The following SETD9 variants were observed in gnomAD, a reference collection of about 807,000 sequenced individuals.
SETD9 encodes SET domain containing 9, also known as SET domain-containing protein 9.
A neutral mutation model predicts 36.4 loss-of-function variants in SETD9; 37 were observed. The observed-to-expected ratio is 1.02, with a 90% CI of 0.78 to 1.34. The LOEUF (loss-of-function observed/expected upper bound fraction) is 1.34, where lower values mean the gene tolerates loss of function less well. Ranked by LOEUF, SETD9 falls within the 40% of genes most tolerant of loss-of-function variation. The pLI is 0.00. For synonymous variants in SETD9, 128 were observed against 132.9 expected (o/e 0.96, Z 0.26); for missense variants, 323 against 353.2 (o/e 0.91, Z 0.69).
chr5:56,909,626 C>T lies in SETD9; in HGVS notation c.-20C>T. 1 of 1,591,710 alleles carries T rather than the reference C, an allele frequency of 6.3e-7. No homozygotes were observed. Among genetic ancestry groups the T allele is most frequent in the Admixed American group, 1.7e-5 (1 of 58,424 alleles). On this transcript the variant is annotated 5_prime_UTR_variant, in exon 1 of 6. Coordinates refer to ENST00000285947, the MANE Select transcript of SETD9 (RefSeq NM_153706.4). ...TCCGCCTTCCCCGCGCCGTCCTGGT[C>T]ACGGCCCCGCGGGGCAGCCATGCCT...
At chr5:56,919,687 G>A (rs1276316637), downstream of SETD9, 1 of 152,588 alleles carries the variant, frequency 6.6e-6, no homozygotes, top group Non-Finnish European at 1.5e-5. Flanking sequence ...AAAAATCAGT[G>A]TTTATGTACA....
At chr5:56,921,354 A>C (rs1392737893), downstream of SETD9, 10 of 152,402 alleles carry the variant, frequency 6.6e-5, no homozygotes, top group Non-Finnish European at 1.5e-5. Context: ...TTGGATAAAA[A>C]TACAAGAAAG....
chr5:56,913,789 T>G, intron 3 of SETD9, 85 bp from the exon 4 acceptor site: 2 of 679,446 alleles, frequency 2.9e-6, no homozygotes, highest in Non-Finnish European at 4.7e-6. Flanking sequence ...TAAGAAAAAA[T>G]GCACTGGTGT....
chr5:56,916,605 A>G (rs1749439854), intron 5 of SETD9, among the ~76,000 whole-genome samples: 1 of 152,168 alleles, frequency 6.6e-6, no homozygotes, highest in South Asian at 2.1e-4. Flanking sequence ...TTGTATAAAC[A>G]TTGATTTGTG....
chr5:56,910,059 C>G, intron 1 of SETD9: 1 of 1,287,638 alleles, frequency 7.8e-7, no homozygotes, highest in African/African-American at 1.5e-5. Context: ...CTGCCGGGCC[C>G]GCGAGGCCGA....
chr5:56,920,462 A>G (rs759927745), downstream of SETD9: 5 of 152,694 alleles, frequency 3.3e-5, no homozygotes, highest in Middle Eastern at 3.4e-3. Flanking sequence ...AAAAAAACAA[A>G]AAGAATTTAT....
chr5:56,923,573 C>T (rs752847135), intron 5 of SETD9: 4 of 1,612,898 alleles, frequency 2.5e-6, no homozygotes, highest in Non-Finnish European at 2.5e-6. Flanking sequence ...GGTTGCTACA[C>T]TGTTGGTCAA....
intron 5 of SETD9, chr5:56,924,086 ATT>A: frequency 6.3e-7 from 1 of 1,584,888 alleles, no homozygotes; most frequent in Non-Finnish European, 8.6e-7. Context: ...AAACTCAACC[ATT>A]TTTTTAAGCA....
At chr5:56,921,772 G>A (rs954833525), downstream of SETD9, 8 of 152,544 alleles carry the variant, frequency 5.2e-5, no homozygotes, top group African/African-American at 1.2e-4. Context: ...TAATTAAGAC[G>A]GTGCAAACAA....
At chr5:56,918,693 G>A (rs996974183), downstream of SETD9, among the ~76,000 whole-genome samples, 3 of 149,010 alleles carry the variant, frequency 2.0e-5, no homozygotes, top group East Asian at 1.9e-4. Flanking sequence ...TGTCTGACAA[G>A]GAAGGGATGT....
chr5:56,922,370 CACAGA>C (rs1185098432), intron 5 of SETD9: 1 of 152,516 alleles, frequency 6.6e-6, no homozygotes, highest in Non-Finnish European at 1.5e-5. Flanking sequence ...AATGAAGTTA[CACAGA>C]AATCTCCTGG....
At chr5:56,924,856 CTGAG>C (rs1035351132) in intron 5 of SETD9, among the ~76,000 whole-genome samples, 12 of 152,348 alleles carry the variant, frequency 7.9e-5, no homozygotes, top group African/African-American at 1.4e-4. Flanking sequence ...AACCTGACTC[CTGAG>C]TAAGTTGTGA....
chr5:56,926,527 A>G (rs1749990003), downstream of SETD9, among the ~76,000 whole-genome samples: 1 of 152,160 alleles, frequency 6.6e-6, no homozygotes, highest in Non-Finnish European at 1.5e-5. Flanking sequence ...ACAAATTAAA[A>G]CAAAAAAGAG....
intron 5 of SETD9, chr5:56,923,750 T>C: frequency 1.2e-6 from 2 of 1,614,206 alleles, no homozygotes; most frequent in Non-Finnish European, 1.7e-6. Flanking sequence ...AGGAATAGGC[T>C]CAGGCCGGTT....
intron 5 of SETD9, chr5:56,922,887 T>C: frequency 2.0e-6 from 1 of 494,892 alleles, no homozygotes; most frequent in Non-Finnish European, 3.7e-6. Flanking sequence ...GAAGCAGAGC[T>C]TAAAGCTGCA....
intron 5 of SETD9, chr5:56,923,698 G>T: frequency 6.2e-7 from 1 of 1,614,208 alleles, no homozygotes; most frequent in Non-Finnish European, 8.5e-7. Context: ...TACCTGTCAA[G>T]TCACTGGCAG....
At chr5:56,909,994 G>T in intron 1 of SETD9, 1 of 1,315,484 alleles carries the variant, frequency 7.6e-7, no homozygotes, top group Non-Finnish European at 9.9e-7. Flanking sequence ...AGCCTGAAGT[G>T]GGCGGTGGCT....
chr5:56,910,702 C>T (rs33320), intron 1 of SETD9: 136,593 of 215,528 alleles, frequency 0.63, 45,140 homozygotes, highest in Non-Finnish European at 0.73. Flanking sequence ...ACAAAGTATA[C>T]GATGTTGAAT....
Position 56,912,991 on chromosome 5 carries a change from T to C in SETD9, c.467-20T>C. On this transcript the variant is annotated intron_variant, in intron 2 of 5. Coordinates refer to ENST00000285947, the MANE Select transcript of SETD9 (RefSeq NM_153706.4). ...ATTTTTCATGTTGTTATCATATTTC[T>C]TTGTCTTGTTGTGTAATAGGTACAG... 1.9e-6 allele frequency: 3 copies of C among 1,608,082 alleles called. No homozygotes were observed. Among genetic ancestry groups the C allele is most frequent in the Non-Finnish European group, 1.7e-6 (2 of 1,177,316 alleles).
Sources: allele counts gnomAD v4.1 joint callset (sites outside exome capture counted in the v4.1 genomes callset), GRCh38; gene constraint gnomAD v4.1.1; transcripts MANE v1.5; gene names NCBI Gene and HGNC (gene_info 2026-07-23, HGNC 2026-07-21).